The following COL22A1 variants were observed in gnomAD, a reference collection of about 807,000 sequenced individuals.
COL22A1 encodes the protein collagen alpha-1(XXII) chain.
A neutral mutation model predicts 248.9 loss-of-function variants in COL22A1; 221 were observed. The ratio of observed to expected loss-of-function variants is 0.89; its 90% confidence interval spans 0.80 to 0.99. The LOEUF (loss-of-function observed/expected upper bound fraction) is 0.99. Among genes scored for constraint, COL22A1 ranks in the 50% least tolerant of loss-of-function variants. The probability of loss-of-function intolerance (pLI) is 0.00; values close to 1 mark genes in which losing one functional copy is unlikely to be tolerated. For synonymous variants in COL22A1, 891 were observed against 793.4 expected (o/e 1.12, Z -2.07); for missense variants, 2,240 against 2,179.0 (o/e 1.03, Z -0.56).
rs866507860 is a variant in COL22A1 at position 138,656,036 on chromosome 8, G to A, written c.3286-92C>T. On this transcript the variant is annotated intron_variant, in intron 44 of 64. Transcript: ENST00000303045. ...AGAAAGCAAAAGGACTTTAAAGTGT[G>A]ACACAATACGTGACACACTGCGCCG... is the stretch of plus-strand genomic sequence containing the variant. The A allele has an allele frequency of 5.6e-5, 58 of 1,026,996 alleles. 1 individual carries two copies. The South Asian group carries it at 6.9e-4, about 12-fold the overall frequency. The allele number at this position is 1,026,996 out of a possible 1,614,324, so 63.6% of individuals were successfully genotyped here. A position where few individuals can be genotyped will look rare whatever the true frequency, so the allele number is the denominator to read the frequency against.
At chr8:138,648,521 C>A (rs78003697) in intron 46 of COL22A1, among the ~76,000 whole-genome samples, 2,793 of 152,248 alleles carry the variant, frequency 0.018, 72 homozygotes, top group African/African-American at 0.063. Flanking sequence ...GAAAACAGAT[C>A]ATTGTCAGTT....
chr8:138,696,870 CA>C (rs1827549169), intron 32 of COL22A1, among the ~76,000 whole-genome samples: 1 of 152,224 alleles, frequency 6.6e-6, no homozygotes, highest in South Asian at 2.1e-4. Context: ...TTATTTCTAG[CA>C]TGTTTTCCTC....
At chr8:138,750,354 T>A (rs1212136079) in intron 22 of COL22A1, among the ~76,000 whole-genome samples, 6 of 151,988 alleles carry the variant, frequency 3.9e-5, no homozygotes, top group Admixed American at 3.9e-4. Context: ...TTCAAAAGGG[T>A]TATAGGAGGC....
chr8:138,847,851 T>C (rs1448922704), intron 3 of COL22A1, among the ~76,000 whole-genome samples: 5 of 152,180 alleles, frequency 3.3e-5, no homozygotes, highest in Non-Finnish European at 5.9e-5. Context: ...ATGGGTTTTC[T>C]TCACTTGCAG....
chr8:138,588,535 T>A lies in COL22A1; in HGVS notation c.*718A>T, dbSNP rs1816785493. 1 of 152,234 alleles carries A rather than the reference T, an allele frequency of 6.6e-6. No individual in the cohort carries two copies. Among genetic ancestry groups the A allele is most frequent in the South Asian group, 2.1e-4 (1 of 4,830 alleles). 9.4% of individuals were successfully genotyped at this position (152,234 alleles called of 1,614,324 possible). ...TGCCTCTTCAACATAGGTTTTCCCA[T>A]CTTTGGCCAAGACATATGATCCCAC... On this transcript the variant is annotated 3_prime_UTR_variant, in exon 65 of 65. Transcript: ENST00000303045.
chr8:138,857,399 C>G (rs567432676), intron 3 of COL22A1, among the ~76,000 whole-genome samples: 6 of 152,220 alleles, frequency 3.9e-5, no homozygotes, highest in African/African-American at 1.4e-4. Flanking sequence ...CATGCCCTGG[C>G]CAAACACAGC....
Position 138,692,909 on chromosome 8 carries a change from G to T in COL22A1, c.2754+737C>A, listed in dbSNP as rs1428519937. ...TTCCAACCTGACCATACGCATGGTG[G>T]CCTGGTCATATCAGCACCCTCTACC... is the stretch of plus-strand genomic sequence containing the variant. On this transcript the variant is annotated intron_variant, in intron 35 of 64. Transcript: ENST00000303045. Among the ~76,000 whole-genome samples the T allele has an allele frequency of 5.3e-5, 8 of 152,116 alleles. No individual in the cohort carries two copies. The East Asian group carries it at 1.5e-3, about 29-fold the overall frequency.
rs927471921 is a variant in COL22A1 at position 138,755,322 on chromosome 8, T to C, written c.1978-112A>G. On this transcript the variant is annotated intron_variant, in intron 20 of 64. Coordinates refer to ENST00000303045, the MANE Select transcript of COL22A1 (RefSeq NM_152888.3). Reference sequence around the variant, plus strand: ...CAAAGTTTACTTTCCAAGTTCTCGATAGGGAGTAGAGGTATGGGAGTGGGT... The same window carrying C: ...CAAAGTTTACTTTCCAAGTTCTCGACAGGGAGTAGAGGTATGGGAGTGGGT... The C allele has an allele frequency of 1.8e-5, 23 of 1,309,132 alleles. No individual in the cohort carries two copies. In the South Asian group the frequency reaches 2.4e-4, roughly 14 times the overall value. 81.1% of individuals were successfully genotyped at this position (1,309,132 alleles called of 1,614,324 possible).
At chr8:138,876,461 G>A (rs1823725299) in intron 3 of COL22A1, among the ~76,000 whole-genome samples, 1 of 152,170 alleles carries the variant, frequency 6.6e-6, no homozygotes, top group African/African-American at 2.4e-5. Flanking sequence ...TGGTTGCTGT[G>A]TCTTGTCTTT....
At chr8:138,732,949 C>A (rs1484371194) in intron 23 of COL22A1, among the ~76,000 whole-genome samples, 1 of 152,172 alleles carries the variant, frequency 6.6e-6, no homozygotes, top group Non-Finnish European at 1.5e-5. Context: ...CATAAATTAG[C>A]ATGACAATCA....
At chr8:138,730,534 G>A (rs1830636031) in intron 23 of COL22A1, among the ~76,000 whole-genome samples, 1 of 152,150 alleles carries the variant, frequency 6.6e-6, no homozygotes, top group South Asian at 2.1e-4. Context: ...GCTTAGGATC[G>A]AAGGCAGGGT....
At chr8:138,850,922 T>G (rs1214129655) in intron 3 of COL22A1, among the ~76,000 whole-genome samples, 1 of 152,200 alleles carries the variant, frequency 6.6e-6, no homozygotes, top group Non-Finnish European at 1.5e-5. Context: ...ATTTATCCCT[T>G]CATTTACCCA....
chr8:138,750,475 T>C (rs1689392870), intron 22 of COL22A1, among the ~76,000 whole-genome samples: 1 of 152,178 alleles, frequency 6.6e-6, no homozygotes, highest in South Asian at 2.1e-4. Context: ...GGATGTGAAC[T>C]GTGATGGGGA....
intron 53 of COL22A1, among the ~76,000 whole-genome samples, chr8:138,618,824 C>A (rs567090872): frequency 2.0e-5 from 3 of 151,866 alleles, no homozygotes; most frequent in African/African-American, 4.8e-5. Context: ...AGCATAAAAC[C>A]CAATAACCCT....
intron 6 of COL22A1, among the ~76,000 whole-genome samples, chr8:138,823,259 A>T (rs1374900236): frequency 1.3e-5 from 2 of 152,184 alleles, no homozygotes; most frequent in Non-Finnish European, 2.9e-5. Context: ...AAACATTTAT[A>T]TAGTATTTAT....
At chr8:138,594,321 C>G in intron 62 of COL22A1, 122 bp from the exon 63 acceptor site, 1 of 758,426 alleles carries the variant, frequency 1.3e-6, no homozygotes, top group Non-Finnish European at 2.0e-6. Context: ...GGACATAGGA[C>G]AGGATGGCTA....
chr8:138,591,378 C>T (rs1817026901), intron 64 of COL22A1, 46 bp downstream of exon 64: 1 of 1,429,794 alleles, frequency 7.0e-7, no homozygotes, highest in Non-Finnish European at 9.4e-7. Context: ...GCTGGGTCTC[C>T]AGGGTAGCTC....
At chr8:138,718,913 A>T (rs1586560569) in intron 27 of COL22A1, among the ~76,000 whole-genome samples, 1 of 152,214 alleles carries the variant, frequency 6.6e-6, no homozygotes, top group South Asian at 2.1e-4. Flanking sequence ...ATTTTAGCCC[A>T]GTAATTGTCG....
chr8:138,625,234 G>C (rs991952551), intron 51 of COL22A1, among the ~76,000 whole-genome samples: 1 of 152,134 alleles, frequency 6.6e-6, no homozygotes, highest in Non-Finnish European at 1.5e-5. Context: ...AAGATCGAAG[G>C]CATCTACTAA....
Sources: allele counts gnomAD v4.1 joint callset (sites outside exome capture counted in the v4.1 genomes callset), GRCh38; gene constraint gnomAD v4.1.1; transcripts MANE v1.5; gene names NCBI Gene and HGNC (gene_info 2026-07-23, HGNC 2026-07-21).